Variants in AGBL1 observed in about 807,000 individuals in gnomAD.
AGBL1 encodes the protein cytosolic carboxypeptidase 4.
Under a neutral mutation model 118.9 loss-of-function variants are expected in AGBL1, and 130 were observed. The observed-to-expected ratio is 1.09, with a 90% CI of 0.95 to 1.26. The LOEUF (loss-of-function observed/expected upper bound fraction) is 1.26, where lower values mean the gene tolerates loss of function less well. Among genes scored for constraint, AGBL1 ranks in the 50% most tolerant of loss-of-function variants. AGBL1 has a pLI of 0.00. For synonymous variants in AGBL1, 555 were observed against 478.9 expected (o/e 1.16, Z -2.08); for missense variants, 1,584 against 1,298.1 (o/e 1.22, Z -3.38).
intron 24 of AGBL1, among the ~76,000 whole-genome samples, chr15:86,988,883 A>G (rs1362051850): frequency 6.6e-6 from 1 of 152,090 alleles, no homozygotes; most frequent in East Asian, 1.9e-4. Context: ...CATTTATGAC[A>G]AGTATTTATT....
At chr15:86,852,715 G>A (rs111370098) in intron 22 of AGBL1, among the ~76,000 whole-genome samples, 5 of 152,252 alleles carry the variant, frequency 3.3e-5, no homozygotes, top group African/African-American at 1.2e-4. Context: ...GGCTCAACAA[G>A]CCATCCTGTG....
intron 22 of AGBL1, among the ~76,000 whole-genome samples, chr15:86,887,471 T>G (rs2079987505): frequency 6.6e-6 from 1 of 152,214 alleles, no homozygotes. Context: ...TCTAGTATTG[T>G]TTAAGCATCT....
At chr15:86,343,360 A>G (rs866567034) in intron 17 of AGBL1, among the ~76,000 whole-genome samples, 2 of 151,970 alleles carry the variant, frequency 1.3e-5, no homozygotes, top group Non-Finnish European at 2.9e-5. Context: ...CCTGCATCCC[A>G]TTGTCGTTTC....
chr15:86,458,586 G>A (rs540374246), intron 18 of AGBL1, among the ~76,000 whole-genome samples: 1 of 152,280 alleles, frequency 6.6e-6, no homozygotes, highest in Admixed American at 6.5e-5. Context: ...CACTGAGCAA[G>A]CTGAACTCTG....
intron 17 of AGBL1, among the ~76,000 whole-genome samples, chr15:86,371,209 A>T (rs192873413): frequency 4.5e-4 from 68 of 152,240 alleles, no homozygotes; most frequent in African/African-American, 1.5e-3. Context: ...GTGTTTTTTT[A>T]AAAAATTAAG....
At chr15:86,211,684 A>T (rs2078101222) in intron 5 of AGBL1, among the ~76,000 whole-genome samples, 1 of 152,198 alleles carries the variant, frequency 6.6e-6, no homozygotes, top group Non-Finnish European at 1.5e-5. Context: ...CCATTTGCTA[A>T]GAACATTGGA....
rs1567185654 is a variant in AGBL1, at chr15:86,298,259, A to ATATATATATATATATGGTAAC, written c.2374+2866_2374+2867insGGTAACTATATATATATATAT. On this transcript the variant is annotated intron_variant, in intron 17 of 22. Transcript: ENST00000614907. ...GTGTCTGTGTATAATATATATATAT[A>ATATATATATATATATGGTAAC]TATATATATATATATATATATGGTA... 1.1e-3 allele frequency among the ~76,000 whole-genome samples: 106 copies of ATATATATATATATATGGTAAC among 96,038 alleles called. 1 individual carries two copies. The highest frequency in any genetic ancestry group is 4.7e-3 in the Middle Eastern group (1 of 214). The allele number at this position is 96,038 out of a possible 152,430, so 63.0% of individuals were successfully genotyped here. A position where few individuals can be genotyped will look rare whatever the true frequency, so the allele number is the denominator to read the frequency against.
intron 21 of AGBL1, among the ~76,000 whole-genome samples, chr15:86,664,888 G>T (rs1178217723): frequency 2.0e-5 from 3 of 151,432 alleles, no homozygotes. Context: ...CTTTTTTCAG[G>T]CTTACATGCA....
chr15:86,436,714 G>C (rs1182307819), intron 18 of AGBL1, among the ~76,000 whole-genome samples: 4 of 152,162 alleles, frequency 2.6e-5, no homozygotes, highest in Admixed American at 2.0e-4. Context: ...TTATTATTTT[G>C]CAAATAGGCA....
intron 17 of AGBL1, among the ~76,000 whole-genome samples, chr15:86,344,981 C>A (rs1284296983): frequency 1.3e-5 from 2 of 152,060 alleles, no homozygotes; most frequent in African/African-American, 2.4e-5. Flanking sequence ...AATTTTCCTA[C>A]AATTAATTAT....
At chr15:86,840,723 A>T (rs1330286088) in intron 22 of AGBL1, among the ~76,000 whole-genome samples, 1 of 152,118 alleles carries the variant, frequency 6.6e-6, no homozygotes, top group Non-Finnish European at 1.5e-5. Flanking sequence ...TACAGACGTG[A>T]GCCACCACAC....
chr15:86,315,292 G>A (rs1472924114), intron 17 of AGBL1, among the ~76,000 whole-genome samples: 1 of 152,158 alleles, frequency 6.6e-6, no homozygotes, highest in Admixed American at 6.5e-5. Flanking sequence ...CTCACATTTG[G>A]GCTTTCTCTC....
Position 87,003,940 on chromosome 15 carries a change from A to G in AGBL1, c.3323+15852A>G, listed in dbSNP as rs556107725. 4.0e-5 allele frequency among the ~76,000 whole-genome samples: 6 copies of G among 151,666 alleles called. No homozygotes were observed. The South Asian group carries it at 1.2e-3, about 32-fold the overall frequency. On this transcript the variant is annotated intron_variant, in intron 24 of 24. Transcript: ENST00000441037. ...GCTCCTGGATTCATTGATTTTTTTG[A>G]AGGGTTTTTTGTGTCTCTATCTCCT...
At chr15:86,851,801 C>T (rs1325752405) in intron 22 of AGBL1, among the ~76,000 whole-genome samples, 1 of 152,074 alleles carries the variant, frequency 6.6e-6, no homozygotes, top group Non-Finnish European at 1.5e-5. Context: ...ATGAAGGATG[C>T]AGGAGATATT....
chr15:86,789,472 G>C (rs1390249988), intron 22 of AGBL1, among the ~76,000 whole-genome samples: 1 of 152,164 alleles, frequency 6.6e-6, no homozygotes, highest in Non-Finnish European at 1.5e-5. Flanking sequence ...GTTTATAGAT[G>C]ATCCCATTGA....
At chr15:86,306,244 A>C (rs975925613) in intron 17 of AGBL1, among the ~76,000 whole-genome samples, 6 of 152,048 alleles carry the variant, frequency 3.9e-5, no homozygotes, top group Non-Finnish European at 7.4e-5. Context: ...TGGGCTATCA[A>C]ATAGTAGGTC....
At position 86,566,081 on chromosome 15, in the gene AGBL1, G is replaced by T. The variant is rs1039263338; in HGVS notation, c.2994+11544G>T. Among the ~76,000 whole-genome samples, 3 of 149,162 alleles carry T rather than the reference G, an allele frequency of 2.0e-5. No individual in the cohort carries two copies. In the East Asian group the frequency reaches 6.2e-4, roughly 31 times the overall value. On this transcript the variant is annotated intron_variant, in intron 21 of 22. Coordinates refer to ENST00000614907, the MANE Select transcript of AGBL1 (RefSeq NM_001386094.1). ...TTCCCTGAGCCCTTGCACTTCCCAG[G>T]TGAGGTGATGCCTCGCCCTGCTTTG...
chr15:86,741,579 G>A (rs1013450804), intron 22 of AGBL1, among the ~76,000 whole-genome samples: 3 of 151,950 alleles, frequency 2.0e-5, no homozygotes, highest in South Asian at 4.2e-4. Flanking sequence ...TCATAGTTCT[G>A]CATGTTGATG....
At chr15:86,821,120 A>G (rs1318303523) in intron 22 of AGBL1, among the ~76,000 whole-genome samples, 1 of 152,110 alleles carries the variant, frequency 6.6e-6, no homozygotes, top group Non-Finnish European at 1.5e-5. Context: ...AAGGGAGTTG[A>G]ACAAAGAGAA....
Sources: gnomAD v4.1 joint callset for allele counts (sites outside exome capture counted in the v4.1 genomes callset) on GRCh38, gnomAD v4.1.1 for gene constraint, MANE v1.5 for transcripts, NCBI Gene and HGNC (gene_info 2026-07-23, HGNC 2026-07-21) for gene names.